The following SLC22A12 variants were observed in gnomAD, a reference collection of about 807,000 sequenced individuals.
SLC22A12 encodes the protein solute carrier family 22 member 12, also known as organic anion transporter 4-like protein.
A neutral mutation model predicts 52.7 loss-of-function variants in SLC22A12; 56 were observed. The ratio of observed to expected loss-of-function variants is 1.06; its 90% CI spans 0.86 to 1.33. The LOEUF is 1.33. Ranked by LOEUF, SLC22A12 falls within the 40% of genes most tolerant of loss-of-function variation. SLC22A12 has a pLI of 0.00. For missense variants in SLC22A12, 683 were observed against 741.5 expected (o/e 0.92, Z 0.92); for synonymous variants, 337 against 324.6 (o/e 1.04, Z -0.41).
At chr11:64,599,609 T>TCCCCCCCCCCCCCCCCCCCCCCCCC in intron 6 of SLC22A12, 67 bp from the exon 7 acceptor site, 1 of 221,474 alleles carries the variant, frequency 4.5e-6, no homozygotes. Context: ...CGCCCATTGT[T>TCCCCCCCCCCCCCCCCCCCCCCCCC]CCCACCCTGC....
Position 64,601,618 on chromosome 11 carries a change from G to A in SLC22A12, c.*67G>A, listed in dbSNP as rs139851336. 2.0e-5 allele frequency: 31 copies of A among 1,571,458 alleles called. No individual in the cohort carries two copies. The East Asian group carries it at 6.6e-4, about 33-fold the overall frequency. On this transcript the variant is annotated 3_prime_UTR_variant, in exon 10 of 10. Coordinates refer to ENST00000377574, the MANE Select transcript of SLC22A12 (RefSeq NM_144585.4). ...TTCTTCTGTTCTCTGGAGAAGGCAG[G>A]AGGAAAGCAAAGACCTCCATTTCCA...
Position 64,600,721 on chromosome 11 carries a change from A to G in SLC22A12, c.1395-14A>G. ...ACACAGACCAGGCGCTTATAGGTGC[A>G]TCTGCATTGGCAGGATGACGGCAGT... On this transcript the variant is annotated splice_polypyrimidine_tract_variant and intron_variant, in intron 8 of 9. Coordinates refer to ENST00000377574, the MANE Select transcript of SLC22A12 (RefSeq NM_144585.4). 15 of 1,603,986 alleles carry G rather than the reference A, an allele frequency of 9.4e-6. No individual in the cohort carries two copies. Among genetic ancestry groups the G allele is most frequent in the Non-Finnish European group, 1.2e-5 (14 of 1,179,868 alleles).
At chr11:64,596,022 GAA>G (rs2039195524) in intron 4 of SLC22A12, among the ~76,000 whole-genome samples, 1 of 5,832 alleles carries the variant, frequency 1.7e-4, no homozygotes, top group Non-Finnish European at 8.8e-4. Flanking sequence ...TGGATGGATG[GAA>G]TGGATGGATG....
At chr11:64,601,001 C>T in intron 9 of SLC22A12, 63 bp downstream of exon 9, 2 of 1,580,090 alleles carry the variant, frequency 1.3e-6, no homozygotes, top group Non-Finnish European at 1.7e-6. Flanking sequence ...CACAGGGCAG[C>T]CTGCTCACCC....
Position 64,598,795 on chromosome 11 carries a change from C to T in SLC22A12, c.955-13C>T, listed in dbSNP as rs377550586. ...GCCCCCAGTGCCAACAGCACCCACC[C>T]CCGCCTCCACAGGTCTTGCTTTCAG... On this transcript the variant is annotated splice_polypyrimidine_tract_variant and intron_variant, in intron 5 of 9. Transcript: ENST00000377574. 13 of 1,612,146 alleles carry T rather than the reference C, an allele frequency of 8.1e-6. No individual in the cohort carries two copies. The highest frequency in any genetic ancestry group is 7.6e-6 in the Non-Finnish European group (9 of 1,179,952).
chr11:64,594,853 G>C (rs1156811401), intron 4 of SLC22A12, among the ~76,000 whole-genome samples: 6 of 150,040 alleles, frequency 4.0e-5, no homozygotes, highest in East Asian at 3.9e-4. Flanking sequence ...TGGACAGATG[G>C]AATGGATGGA....
At chr11:64,595,922 A>AGATGGATG (rs200030094) in intron 4 of SLC22A12, among the ~76,000 whole-genome samples, 5 of 92,834 alleles carry the variant, frequency 5.4e-5, no homozygotes, top group Admixed American at 2.2e-4. Flanking sequence ...TGGTTGGAAA[A>AGATGGATG]GATGGATGGA....
chr11:64,595,081 T>C (rs1417299969), intron 4 of SLC22A12, among the ~76,000 whole-genome samples: 1 of 125,138 alleles, frequency 8.0e-6, no homozygotes, highest in Non-Finnish European at 1.7e-5. Context: ...GATGGATAGA[T>C]GGATAGATGG....
At position 64,600,768 on chromosome 11, in the gene SLC22A12, C is replaced by T. The variant is rs146694365; in HGVS notation, c.1428C>T (p.Ala476=). ...MTAVGLGQMA[A]RGGAILGPLV... ...CAGTGGGCTTGGGCCAGATGGCAGCCCGTGGAGGAGCCATCCTGGGGCCTC... is the reference window on the plus strand; with the variant it reads ...CAGTGGGCTTGGGCCAGATGGCAGCTCGTGGAGGAGCCATCCTGGGGCCTC... Residue 476 remains alanine (A), a synonymous_variant, in exon 9 of 10, where the codon GCC becomes GCT. Transcript: ENST00000377574. 327 of 1,605,312 alleles carry T rather than the reference C, an allele frequency of 2.0e-4. 1 individual carries two copies. In the African/African-American group the frequency reaches 3.7e-3, roughly 18 times the overall value.
In SLC22A12 at chr11:64,591,583, C is replaced by T. The variant is rs1356621309; in HGVS notation, c.27C>T (p.Leu9=). 5 of 1,612,744 alleles carry T rather than the reference C, an allele frequency of 3.1e-6. No individual in the cohort carries two copies. Among genetic ancestry groups the T allele is most frequent in the Middle Eastern group, 1.6e-4 (1 of 6,084 alleles). ...TGGCATTTTCTGAACTCCTGGACCT[C>T]GTGGGTGGCCTGGGCAGGTTCCAGG... MAFSELLD[L]VGGLGRFQVL... Residue 9 remains leucine (L), a synonymous_variant, in exon 1 of 10, where the codon CTC becomes CTT. Coordinates refer to ENST00000377574, the MANE Select transcript of SLC22A12 (RefSeq NM_144585.4).
In SLC22A12 at chr11:64,599,311, C is replaced by A. The variant is rs548399970; in HGVS notation, c.1071-365C>A. Reference sequence around the variant, plus strand: ...CATGGCCATCCAGCAAAGACCAAAACCGCCAAGGCCAAGGAGGGAAGGACT... The same window carrying A: ...CATGGCCATCCAGCAAAGACCAAAAACGCCAAGGCCAAGGAGGGAAGGACT... On this transcript the variant is annotated intron_variant, in intron 6 of 9. Transcript: ENST00000377574. Among the ~76,000 whole-genome samples the A allele has an allele frequency of 2.3e-4, 35 of 152,184 alleles. No homozygotes were observed. In the South Asian group the frequency reaches 5.6e-3, roughly 24 times the overall value.
chr11:64,596,418 T>G (rs2039247361), intron 4 of SLC22A12, among the ~76,000 whole-genome samples: 1 of 151,804 alleles, frequency 6.6e-6, no homozygotes. Context: ...AATGGATGGA[T>G]AGGTGGATTA....
rs369334634 is a variant in SLC22A12, at chr11:64,591,433, C to T, written c.-124C>T. ...CGGCCCCGAGTCTGTGAAGCCTAGC[C>T]GCTGGGCTGGAGAAGCCACTGTGGG... On this transcript the variant is annotated 5_prime_UTR_variant, in exon 1 of 10. Transcript: ENST00000377574. The T allele has an allele frequency of 2.4e-5, 31 of 1,317,250 alleles. No homozygotes were observed. Among genetic ancestry groups the T allele is most frequent in the East Asian group, 4.6e-5 (2 of 43,304 alleles). 81.6% of individuals were successfully genotyped at this position (1,317,250 alleles called of 1,614,324 possible).
chr11:64,591,560 G>A lies in SLC22A12; in HGVS notation c.4G>A (p.Ala2Thr), dbSNP rs748697369. M[A>T]FSELLDLVGG... is the part of the protein sequence containing the mutation. ...CTGGGCCCCTTGAGTAGGTTCCATGGCATTTTCTGAACTCCTGGACCTCGT... is the reference window on the plus strand; with the variant it reads ...CTGGGCCCCTTGAGTAGGTTCCATGACATTTTCTGAACTCCTGGACCTCGT... Residue 2 changes from alanine (A) to threonine (T), a missense_variant, in exon 1 of 10, where the codon GCA becomes ACA. Transcript: ENST00000377574. The A allele has an allele frequency of 4.3e-6, 7 of 1,611,806 alleles. No homozygotes were observed. In the Admixed American group the frequency reaches 6.7e-5, roughly 15 times the overall value.
chr11:64,596,249 T>TGGATGGATGGAATGGATGGATGGATG (rs2039219670), intron 4 of SLC22A12, among the ~76,000 whole-genome samples: 2 of 82,864 alleles, frequency 2.4e-5, no homozygotes, highest in Non-Finnish European at 4.6e-5. Context: ...ATGGATGGAA[T>TGGATGGATGGAATGGATGGATGGATG]GGATGGATGG....
At position 64,602,158 on chromosome 11, in the gene SLC22A12, G is replaced by C; in HGVS notation, c.*607G>C. On this transcript the variant is annotated 3_prime_UTR_variant, in exon 10 of 10. Coordinates refer to ENST00000377574, the MANE Select transcript of SLC22A12 (RefSeq NM_144585.4). ...ACCCAGCCCCCCTTCCAGGGGTCCA[G>C]GGCCAGCCTGAGATGCCCGTGAAAC... The C allele has an allele frequency of 5.7e-6, 1 of 175,210 alleles. No homozygotes were observed. The highest frequency in any genetic ancestry group is 1.4e-4 in the South Asian group (1 of 7,366). 10.9% of individuals were successfully genotyped at this position (175,210 alleles called of 1,614,324 possible).
chr11:64,598,305 T>C (rs2039319388), intron 4 of SLC22A12, among the ~76,000 whole-genome samples: 1 of 151,914 alleles, frequency 6.6e-6, no homozygotes, highest in Non-Finnish European at 1.5e-5. Context: ...CCAACCACAA[T>C]CCCTAGGAGG....
rs547573995 is a variant in SLC22A12, at chr11:64,593,310, C to T, written c.507-95C>T. On this transcript the variant is annotated intron_variant, in intron 2 of 9. Coordinates refer to ENST00000377574, the MANE Select transcript of SLC22A12 (RefSeq NM_144585.4). Reference sequence around the variant, plus strand: ...CGCTTCAGTGTCCGCCTCAGCTCAGCGGGCAAGCATAGGGTGGGCTCTAGG... The same window carrying T: ...CGCTTCAGTGTCCGCCTCAGCTCAGTGGGCAAGCATAGGGTGGGCTCTAGG... The T allele has an allele frequency of 6.3e-6, 10 of 1,584,634 alleles. No individual in the cohort carries two copies. The East Asian group carries it at 8.9e-5, about 14-fold the overall frequency.
At chr11:64,596,546 G>T (rs2039252620) in intron 4 of SLC22A12, among the ~76,000 whole-genome samples, 1 of 152,188 alleles carries the variant, frequency 6.6e-6, no homozygotes, top group African/African-American at 2.4e-5. Flanking sequence ...TGGTCATTGG[G>T]ACCACTGTAG....
Sources: allele counts gnomAD v4.1 joint callset (sites outside exome capture counted in the v4.1 genomes callset), GRCh38; gene constraint gnomAD v4.1.1; transcripts MANE v1.5; gene names NCBI Gene and HGNC (gene_info 2026-07-23, HGNC 2026-07-21).